The following TBC1D22A variants were observed in gnomAD, a reference collection of about 807,000 sequenced individuals.
TBC1D22A encodes the protein putative GTPase activator.
In TBC1D22A, 38 loss-of-function variants were observed where a neutral mutation model predicts 60.2. That is an observed-to-expected ratio of 0.63 (90% CI 0.49 to 0.83). The LOEUF is 0.83. Ranked by LOEUF, TBC1D22A falls within the 40% of genes least tolerant of loss-of-function variation. TBC1D22A has a pLI of 0.00. For synonymous variants in TBC1D22A, 302 were observed against 281.7 expected (o/e 1.07, Z -0.72); for missense variants, 628 against 701.0 (o/e 0.90, Z 1.18).
intron 10 of TBC1D22A, among the ~76,000 whole-genome samples, chr22:47,019,000 A>C (rs1456900122): frequency 7.0e-6 from 1 of 141,956 alleles, no homozygotes; most frequent in Admixed American, 7.1e-5. Flanking sequence ...CCTTGGAGTC[A>C]GTTACTCAGC....
intron 11 of TBC1D22A, among the ~76,000 whole-genome samples, chr22:47,048,055 A>C (rs2063087066): frequency 6.6e-6 from 1 of 152,216 alleles, no homozygotes; most frequent in African/African-American, 2.4e-5. Flanking sequence ...ACAGGGTCCC[A>C]ATGGAGGCTG....
At chr22:46,788,013 T>A (rs920830765) in intron 1 of TBC1D22A, among the ~76,000 whole-genome samples, 1 of 149,370 alleles carries the variant, frequency 6.7e-6, no homozygotes, top group African/African-American at 2.5e-5. Context: ...CTCGGCTCAC[T>A]GCAAGCTCTG....
chr22:46,920,087 G>GT (rs59927697), intron 8 of TBC1D22A, among the ~76,000 whole-genome samples: 87,324 of 149,782 alleles, frequency 0.58, 25,881 homozygotes, highest in East Asian at 0.73. Flanking sequence ...ATGTATGTAT[G>GT]AATGAAGGAG....
chr22:46,921,731 C>A (rs1266484380), intron 8 of TBC1D22A, among the ~76,000 whole-genome samples: 1 of 151,842 alleles, frequency 6.6e-6, no homozygotes, highest in Non-Finnish European at 1.5e-5. Flanking sequence ...TTTCTTTTGT[C>A]TACAACCTCC....
At chr22:47,126,230 C>T (rs2066452022) in intron 12 of TBC1D22A, among the ~76,000 whole-genome samples, 1 of 152,220 alleles carries the variant, frequency 6.6e-6, no homozygotes, top group Non-Finnish European at 1.5e-5. Context: ...AATCCGCCTG[C>T]CTTGGCCTCC....
intron 11 of TBC1D22A, among the ~76,000 whole-genome samples, chr22:47,096,196 C>T (rs764774121): frequency 1.3e-5 from 2 of 152,204 alleles, no homozygotes; most frequent in Non-Finnish European, 2.9e-5. Flanking sequence ...TTCACATGTA[C>T]TACGGAAGCC....
intron 1 of TBC1D22A, among the ~76,000 whole-genome samples, chr22:46,779,872 T>C (rs1318998795): frequency 6.6e-6 from 1 of 152,180 alleles, no homozygotes; most frequent in East Asian, 1.9e-4. Flanking sequence ...GTGGTGTGGG[T>C]GTCGGGGCGG....
At chr22:46,912,336 A>G (rs1569212384) in intron 8 of TBC1D22A, 148 bp downstream of exon 8, 2 of 561,480 alleles carry the variant, frequency 3.6e-6, no homozygotes, top group East Asian at 6.2e-5. Context: ...CTCATCAACA[A>G]CAGCTTTCCA....
At chr22:46,979,052 T>A (rs189159150) in intron 9 of TBC1D22A, among the ~76,000 whole-genome samples, 1 of 152,378 alleles carries the variant, frequency 6.6e-6, no homozygotes, top group East Asian at 1.9e-4. Flanking sequence ...TACACTCAGT[T>A]ACATTAAAGT....
chr22:46,931,794 T>C (rs2071365838), intron 8 of TBC1D22A, among the ~76,000 whole-genome samples: 2 of 152,236 alleles, frequency 1.3e-5, no homozygotes, highest in South Asian at 4.1e-4. Flanking sequence ...AAGACTGATC[T>C]GACGGACCTT....
At chr22:46,907,079 CTG>C (rs10627808) in intron 7 of TBC1D22A, among the ~76,000 whole-genome samples, 9 of 151,212 alleles carry the variant, frequency 6.0e-5, no homozygotes, top group Non-Finnish European at 1.5e-5. Context: ...GTGTGCTCTT[CTG>C]TGTGTGTGTG....
chr22:46,790,810 G>A (rs1486963937), intron 1 of TBC1D22A, among the ~76,000 whole-genome samples: 4 of 152,324 alleles, frequency 2.6e-5, no homozygotes, highest in South Asian at 2.1e-4. Context: ...CCTTTTTAAT[G>A]TGTGCTTTAT....
rs756644565 is a variant in TBC1D22A, at chr22:46,912,801, C to T, written c.1015+613C>T. 6.6e-5 allele frequency among the ~76,000 whole-genome samples: 10 copies of T among 152,170 alleles called. No homozygotes were observed. The South Asian group carries it at 8.3e-4, about 13-fold the overall frequency. ...CGAACTCCTGACCTCGTGATCTGCCCGCCTTCGCCTCCCAAAGTGCTGGGA... is the reference window on the plus strand; with the variant it reads ...CGAACTCCTGACCTCGTGATCTGCCTGCCTTCGCCTCCCAAAGTGCTGGGA... On this transcript the variant is annotated intron_variant, in intron 8 of 12. Coordinates refer to ENST00000337137, the MANE Select transcript of TBC1D22A (RefSeq NM_014346.5).
intron 11 of TBC1D22A, among the ~76,000 whole-genome samples, chr22:47,054,601 C>T (rs564982662): frequency 1.3e-5 from 2 of 152,364 alleles, no homozygotes; most frequent in African/African-American, 4.8e-5. Context: ...AGCCACGCGG[C>T]TCCTCTTCCT....
chr22:47,124,199 G>C (rs914269876), intron 12 of TBC1D22A, among the ~76,000 whole-genome samples: 1 of 152,178 alleles, frequency 6.6e-6, no homozygotes, highest in Non-Finnish European at 1.5e-5. Flanking sequence ...GGGGGTGGGC[G>C]CTGCCCTTGT....
At chr22:46,982,183 C>G (rs1288545721) in intron 9 of TBC1D22A, among the ~76,000 whole-genome samples, 1 of 150,978 alleles carries the variant, frequency 6.6e-6, no homozygotes, top group East Asian at 1.9e-4. Context: ...TCACTCATCT[C>G]TGGTGGATTG....
chr22:46,974,898 CCCCTGCACCACAGTGGGGA>C lies in TBC1D22A; in HGVS notation c.1125+506_1125+524del, dbSNP rs1265192150. On this transcript the variant is annotated intron_variant, in intron 9 of 12. Transcript: ENST00000337137. ...GAGAGCAACACGAGCTGGTGGGAGT[CCCCTGCACCACAGTGGGGA>C]CCCTGCGGGTCTCTGCATCAGCTAG... Among the ~76,000 whole-genome samples the C allele has an allele frequency of 1.5e-4, 23 of 152,350 alleles. No homozygotes were observed. The East Asian group carries it at 4.1e-3, about 27-fold the overall frequency.
chr22:46,879,732 C>T (rs375152812), intron 5 of TBC1D22A, among the ~76,000 whole-genome samples: 1 of 152,182 alleles, frequency 6.6e-6, no homozygotes, highest in South Asian at 2.1e-4. Flanking sequence ...GCAGACTTCT[C>T]AGGTTGGTTT....
intron 11 of TBC1D22A, among the ~76,000 whole-genome samples, chr22:47,076,380 T>TATATATATATATAC (rs1344914035): frequency 8.0e-6 from 1 of 124,538 alleles, no homozygotes; most frequent in African/African-American, 3.1e-5. Context: ...TATATATATA[T>TATATATATATATAC]ACACACACAC....
Sources: gnomAD v4.1 joint callset for allele counts (sites outside exome capture counted in the v4.1 genomes callset) on GRCh38, gnomAD v4.1.1 for gene constraint, MANE v1.5 for transcripts, NCBI Gene and HGNC (gene_info 2026-07-23, HGNC 2026-07-21) for gene names.